The following GRXCR2 variants were observed in gnomAD, a reference collection of about 807,000 sequenced individuals.
GRXCR2 encodes the protein glutaredoxin and cysteine rich domain containing 2.
Under a neutral mutation model 24.8 loss-of-function variants are expected in GRXCR2, and 23 were observed. The ratio of observed to expected loss-of-function variants is 0.93; its 90% CI spans 0.67 to 1.32. GRXCR2 has a LOEUF of 1.32. Ranked by LOEUF, GRXCR2 falls within the 40% of genes most tolerant of loss-of-function variation. The pLI, the probability that GRXCR2 is intolerant of heterozygous loss-of-function variation, is 0.00. For missense variants in GRXCR2, 315 were observed against 303.4 expected (o/e 1.04, Z -0.28); for synonymous variants, 130 against 116.1 (o/e 1.12, Z -0.77).
At chr5:145,882,457 A>G (rs921278839) in intron 2 of GRXCR2, among the ~76,000 whole-genome samples, 7 of 152,222 alleles carry the variant, frequency 4.6e-5, no homozygotes, top group African/African-American at 1.7e-4. Context: ...AATGCAAATC[A>G]AAACCACAAT....
intron 2 of GRXCR2, among the ~76,000 whole-genome samples, chr5:145,907,103 A>T (rs185905335): frequency 5.3e-5 from 8 of 152,264 alleles, no homozygotes; most frequent in African/African-American, 1.2e-4. Flanking sequence ...GGTAGGTCAG[A>T]TGAGATTAGA....
intron 2 of GRXCR2, among the ~76,000 whole-genome samples, chr5:145,910,004 G>T (rs1055186327): frequency 6.6e-6 from 1 of 152,118 alleles, no homozygotes; most frequent in Non-Finnish European, 1.5e-5. Flanking sequence ...GGCTTAACGA[G>T]ATTCCCATTG....
chr5:145,902,234 C>G (rs909521754), intron 2 of GRXCR2, among the ~76,000 whole-genome samples: 3 of 152,122 alleles, frequency 2.0e-5, no homozygotes, highest in African/African-American at 7.2e-5. Flanking sequence ...GCTAGGACTA[C>G]AGGCGCATGC....
intron 2 of GRXCR2, among the ~76,000 whole-genome samples, chr5:145,898,638 T>A (rs957156207): frequency 1.3e-5 from 2 of 152,166 alleles, no homozygotes; most frequent in Admixed American, 6.6e-5. Flanking sequence ...CATACACAAG[T>A]AATAAATGTA....
At chr5:145,889,091 G>A (rs1756819266) in intron 2 of GRXCR2, among the ~76,000 whole-genome samples, 1 of 151,774 alleles carries the variant, frequency 6.6e-6, no homozygotes, top group Non-Finnish European at 1.5e-5. Context: ...CTGGAAGCTG[G>A]AGGCAGAGGT....
intron 2 of GRXCR2, among the ~76,000 whole-genome samples, chr5:145,907,442 T>A (rs1004992623): frequency 6.6e-6 from 1 of 151,624 alleles, no homozygotes; most frequent in African/African-American, 2.4e-5. Flanking sequence ...AGCAGGAGAA[T>A]CGCTGGAACC....
chr5:145,907,850 T>C (rs1381473256), intron 2 of GRXCR2, among the ~76,000 whole-genome samples: 1 of 152,184 alleles, frequency 6.6e-6, no homozygotes, highest in Non-Finnish European at 1.5e-5. Flanking sequence ...TTAGCAGATG[T>C]GGGGAAGACA....
chr5:145,858,305 T>G (rs1415843845), downstream of GRXCR2, among the ~76,000 whole-genome samples: 2 of 122,200 alleles, frequency 1.6e-5, no homozygotes, highest in South Asian at 2.9e-4. Flanking sequence ...CAGAGCGGAC[T>G]CTGTCTCCCA....
intron 2 of GRXCR2, among the ~76,000 whole-genome samples, chr5:145,890,074 CA>C (rs1035980154): frequency 4.6e-5 from 7 of 152,100 alleles, no homozygotes; most frequent in Non-Finnish European, 1.0e-4. Context: ...AAAATAAAGA[CA>C]AAAGTTTTTG....
chr5:145,913,766 G>A (rs190068409), intron 2 of GRXCR2, among the ~76,000 whole-genome samples: 16 of 152,174 alleles, frequency 1.1e-4, no homozygotes, highest in East Asian at 5.8e-4. Flanking sequence ...CAAGTGATCC[G>A]TCTGCTTCAG....
At chr5:145,891,623 C>T (rs1756865684) in intron 2 of GRXCR2, among the ~76,000 whole-genome samples, 1 of 152,172 alleles carries the variant, frequency 6.6e-6, no homozygotes, top group Non-Finnish European at 1.5e-5. Context: ...AGTAGGTAAA[C>T]AAAGCGGCCA....
At chr5:145,860,667 G>T (rs2149907645) in intron 2 of GRXCR2, among the ~76,000 whole-genome samples, 1 of 152,210 alleles carries the variant, frequency 6.6e-6, no homozygotes, top group Non-Finnish European at 1.5e-5. Context: ...GAGAGCTAAG[G>T]CCCAGTGATT....
intron 2 of GRXCR2, among the ~76,000 whole-genome samples, chr5:145,911,967 C>T (rs1358950633): frequency 6.6e-6 from 1 of 152,190 alleles, no homozygotes; most frequent in African/African-American, 2.4e-5. Flanking sequence ...TATGGTGGCA[C>T]ACACCTGTGG....
At chr5:145,891,267 G>C (rs1402771143) in intron 2 of GRXCR2, among the ~76,000 whole-genome samples, 1 of 152,122 alleles carries the variant, frequency 6.6e-6, no homozygotes, top group Non-Finnish European at 1.5e-5. Context: ...AACTCACTGG[G>C]GAATGTCAGA....
At chr5:145,887,550 T>C (rs904204097) in intron 2 of GRXCR2, among the ~76,000 whole-genome samples, 5 of 152,208 alleles carry the variant, frequency 3.3e-5, no homozygotes, top group African/African-American at 4.8e-5. Flanking sequence ...TTCTCCAATA[T>C]GAAGAGCAAT....
At chr5:145,883,723 T>C (rs1324862406) in intron 2 of GRXCR2, among the ~76,000 whole-genome samples, 1 of 152,032 alleles carries the variant, frequency 6.6e-6, no homozygotes, top group African/African-American at 2.4e-5. Flanking sequence ...TAAAACCCCA[T>C]CTCTATGCAA....
At chr5:145,877,887 G>C (rs1359939149), upstream of GRXCR2, among the ~76,000 whole-genome samples, 1 of 152,254 alleles carries the variant, frequency 6.6e-6, no homozygotes, top group Non-Finnish European at 1.5e-5. Context: ...ATCTGCTGGT[G>C]ATACCCAGGC....
intron 2 of GRXCR2, among the ~76,000 whole-genome samples, chr5:145,928,829 C>G (rs960370385): frequency 3.4e-4 from 51 of 151,416 alleles, no homozygotes; most frequent in African/African-American, 1.2e-3. Context: ...GTGCAGCACA[C>G]CAACATGGCA....
At chr5:145,860,997 C>T (rs566249172) in intron 2 of GRXCR2, among the ~76,000 whole-genome samples, 1 of 152,048 alleles carries the variant, frequency 6.6e-6, no homozygotes, top group Non-Finnish European at 1.5e-5. Context: ...AATTGGTGAT[C>T]TTGGTACTCC....
Sources: allele counts gnomAD v4.1 joint callset (sites outside exome capture counted in the v4.1 genomes callset), GRCh38; gene constraint gnomAD v4.1.1; transcripts MANE v1.5; gene names NCBI Gene and HGNC (gene_info 2026-07-23, HGNC 2026-07-21).